EYS: variants seen among roughly 807,000 people sequenced by gnomAD.
EYS encodes EGF-like photoreceptor maintenance factor.
Under a neutral mutation model 282.1 loss-of-function variants are expected in EYS, and 250 were observed. The observed-to-expected ratio is 0.89, with a 90% confidence interval of 0.80 to 0.98. EYS has a LOEUF of 0.98. Among genes scored for constraint, EYS ranks in the 50% least tolerant of loss-of-function variants. EYS has a pLI of 0.00. For missense variants in EYS, 4,016 were observed against 3,709.0 expected, an observed-to-expected ratio of 1.08 and a Z score of -2.15; for synonymous variants, 1,355 against 1,282.9, an observed-to-expected ratio of 1.06 and a Z score of -1.20.
intron 26 of EYS, among the ~76,000 whole-genome samples, chr6:64,553,062 T>C (rs1765135416): frequency 6.6e-6 from 1 of 152,146 alleles, no homozygotes; most frequent in African/African-American, 2.4e-5. Flanking sequence ...TTGATTGATG[T>C]CTTATGTCTC....
At chr6:64,794,438 G>T (rs1228074640) in intron 22 of EYS, among the ~76,000 whole-genome samples, 1 of 152,040 alleles carries the variant, frequency 6.6e-6, no homozygotes, top group East Asian at 1.9e-4. Flanking sequence ...ACAAGATCTG[G>T]TTGTTTGAAA....
chr6:64,935,165 G>A (rs915843942), intron 15 of EYS, among the ~76,000 whole-genome samples: 1 of 151,594 alleles, frequency 6.6e-6, no homozygotes, highest in Non-Finnish European at 1.5e-5. Context: ...TGTAACAAGG[G>A]TGTTAAAGTG....
chr6:65,288,224 A>G (rs1160957854), intron 12 of EYS, among the ~76,000 whole-genome samples: 1 of 150,988 alleles, frequency 6.6e-6, no homozygotes, highest in Non-Finnish European at 1.5e-5. Flanking sequence ...TCTGAGGGAC[A>G]AACATATTGA....
intron 28 of EYS, among the ~76,000 whole-genome samples, chr6:64,418,872 C>T (rs992737207): frequency 1.2e-4 from 18 of 149,506 alleles, no homozygotes; most frequent in Non-Finnish European, 2.4e-4. Context: ...GTGATTTGAT[C>T]ACACAGTCCC....
chr6:64,554,958 G>A (rs1765193076), intron 26 of EYS, among the ~76,000 whole-genome samples: 1 of 151,808 alleles, frequency 6.6e-6, no homozygotes, highest in Admixed American at 6.6e-5. Flanking sequence ...ATAAAAATAT[G>A]GAAATTCCTC....
chr6:64,354,207 T>G (rs1035109899), intron 29 of EYS, among the ~76,000 whole-genome samples: 15 of 151,754 alleles, frequency 9.9e-5, no homozygotes, highest in African/African-American at 3.6e-4. Context: ...AGATGTCAGA[T>G]ATAAACAATT....
intron 35 of EYS, among the ~76,000 whole-genome samples, chr6:63,867,075 T>C (rs1272476062): frequency 6.6e-6 from 1 of 152,162 alleles, no homozygotes; most frequent in Non-Finnish European, 1.5e-5. Context: ...TGACCTACTT[T>C]GATGTCTCTC....
Position 65,332,614 on chromosome 6 carries a change from T to C in EYS, c.1766+2366A>G, listed in dbSNP as rs147568936. ...TTGCCTATAGTTTTCTTGTGATTTG[T>C]CTGGTTGTGCTATTGTTGTAATATT... On this transcript the variant is annotated intron_variant, in intron 11 of 42. Coordinates refer to ENST00000503581, the MANE Select transcript of EYS (RefSeq NM_001142800.2). Among the ~76,000 whole-genome samples, 5 of 151,510 alleles carry C rather than the reference T, an allele frequency of 3.3e-5. No homozygotes were observed. In the East Asian group the frequency reaches 7.8e-4, roughly 24 times the overall value.
At chr6:64,324,272 A>G (rs1770326432) in intron 29 of EYS, among the ~76,000 whole-genome samples, 1 of 152,232 alleles carries the variant, frequency 6.6e-6, no homozygotes, top group Admixed American at 6.5e-5. Flanking sequence ...CAGATCAAAA[A>G]GTTAATTCAC....
At chr6:64,912,790 G>T (rs1279965222) in intron 15 of EYS, 47 bp from the exon 16 acceptor site, 3 of 1,251,226 alleles carry the variant, frequency 2.4e-6, no homozygotes, top group Non-Finnish European at 2.1e-6. Context: ...TCTTTTTCAA[G>T]TTTATTTTTT....
intron 41 of EYS, chr6:63,744,872 G>A: frequency 3.4e-6 from 1 of 291,182 alleles, no homozygotes; most frequent in South Asian, 2.8e-5. Flanking sequence ...CCGGCCAGAT[G>A]GGCTTCTTTT....
chr6:64,942,491 A>G (rs1769121684), intron 15 of EYS, among the ~76,000 whole-genome samples: 1 of 144,642 alleles, frequency 6.9e-6, no homozygotes, highest in South Asian at 2.2e-4. Flanking sequence ...CAAAGAAAAA[A>G]CGACAGAAGA....
rs149913839 is a variant in EYS at position 64,394,392 on chromosome 6, C to A, written c.5928-5552G>T. ...CCTGACTTCAAACTATACTACAAGG[C>A]TACAGTAACCAAAACAGCATGGCAC... On this transcript the variant is annotated intron_variant, in intron 28 of 42. Transcript: ENST00000503581. Among the ~76,000 whole-genome samples, 3 of 152,208 alleles carry A rather than the reference C, an allele frequency of 2.0e-5. No individual in the cohort carries two copies. In the South Asian group the frequency reaches 6.2e-4, roughly 32 times the overall value.
intron 1 of EYS, among the ~76,000 whole-genome samples, chr6:65,669,358 T>A (rs1168033310): frequency 6.6e-6 from 1 of 151,894 alleles, no homozygotes; most frequent in African/African-American, 2.4e-5. Context: ...CAAAAACACT[T>A]AAATAATTTT....
chr6:64,498,692 C>T (rs1043034738), intron 26 of EYS, among the ~76,000 whole-genome samples: 2 of 151,470 alleles, frequency 1.3e-5, no homozygotes, highest in African/African-American at 4.8e-5. Flanking sequence ...TCTCATTGTT[C>T]AACTCCCACT....
At chr6:64,791,732 A>T (rs1774198995) in intron 22 of EYS, among the ~76,000 whole-genome samples, 1 of 151,878 alleles carries the variant, frequency 6.6e-6, no homozygotes, top group Non-Finnish European at 1.5e-5. Context: ...TGATTTAAAT[A>T]CCTGATTCAA....
chr6:63,824,647 C>G (rs1308388476), intron 36 of EYS, among the ~76,000 whole-genome samples: 1 of 152,112 alleles, frequency 6.6e-6, no homozygotes, highest in Non-Finnish European at 1.5e-5. Flanking sequence ...GCTGAAGGTC[C>G]AGGTCCGTTT....
chr6:65,006,175 A>G (rs1042493187), intron 13 of EYS, among the ~76,000 whole-genome samples: 8 of 151,946 alleles, frequency 5.3e-5, no homozygotes, highest in African/African-American at 1.9e-4. Context: ...CAGGGCCCCA[A>G]GTTTGTAATG....
chr6:63,939,242 T>C (rs1176100038), intron 35 of EYS, among the ~76,000 whole-genome samples: 1 of 152,094 alleles, frequency 6.6e-6, no homozygotes, highest in Non-Finnish European at 1.5e-5. Context: ...AAAGTTACAC[T>C]TTAAGGGGTA....
Sources: allele counts gnomAD v4.1 joint callset (sites outside exome capture counted in the v4.1 genomes callset), GRCh38; gene constraint gnomAD v4.1.1; transcripts MANE v1.5; gene names NCBI Gene and HGNC (gene_info 2026-07-23, HGNC 2026-07-21).